The following LRRIQ1 variants were observed in gnomAD, a reference collection of about 807,000 sequenced individuals.
LRRIQ1 encodes the protein leucine-rich repeat- and IQ domain-containing protein 1.
In LRRIQ1, 210 loss-of-function variants were observed where a neutral mutation model predicts 211.9. The ratio of observed to expected loss-of-function variants is 0.99; its 90% CI spans 0.89 to 1.11. LRRIQ1 has a LOEUF of 1.11. LRRIQ1 is among the 50% of genes most tolerant of loss of function. LRRIQ1 has a pLI of 0.00. For synonymous variants in LRRIQ1, 699 were observed against 650.1 expected, an observed-to-expected ratio of 1.08 and a Z score of -1.14; for missense variants, 2,136 against 1,939.5, an observed-to-expected ratio of 1.10 and a Z score of -1.90.
intron 11 of LRRIQ1, among the ~76,000 whole-genome samples, chr12:85,085,280 A>G (rs970383172): frequency 1.3e-5 from 2 of 152,206 alleles, no homozygotes; most frequent in Non-Finnish European, 2.9e-5. Context: ...ACTTACAATC[A>G]TGGTTAAAGT....
At chr12:85,069,612 G>T (rs1200051542) in intron 10 of LRRIQ1, among the ~76,000 whole-genome samples, 3 of 151,620 alleles carry the variant, frequency 2.0e-5, no homozygotes, top group Non-Finnish European at 4.4e-5. Context: ...GTTGTTTCCT[G>T]ACTTTTTAAT....
At position 85,038,165 on chromosome 12, in the gene LRRIQ1, T is replaced by C. The variant is rs778240540; in HGVS notation, c.-12T>C. ...TTTTTTAAAGCAGTTCTGTGCTTTA[T>C]TATGAAGAATAATGGACGATGATGA... is the stretch of plus-strand genomic sequence containing the variant. On this transcript the variant is annotated 5_prime_UTR_variant, in exon 2 of 27. Coordinates refer to ENST00000393217, the MANE Select transcript of LRRIQ1 (RefSeq NM_001079910.2). The C allele has an allele frequency of 1.3e-5, 19 of 1,516,856 alleles. 1 individual carries two copies. In the South Asian group the frequency reaches 2.5e-4, roughly 20 times the overall value. 94.0% of individuals were successfully genotyped at this position (1,516,856 alleles called of 1,614,324 possible). A position where few individuals can be genotyped will look rare whatever the true frequency, so the allele number is the denominator to read the frequency against.
intron 11 of LRRIQ1, among the ~76,000 whole-genome samples, chr12:85,078,544 C>T (rs1883923599): frequency 6.6e-6 from 1 of 152,146 alleles, no homozygotes; most frequent in East Asian, 1.9e-4. Flanking sequence ...GTAGTTCAAT[C>T]TTTTTATTCT....
intron 11 of LRRIQ1, among the ~76,000 whole-genome samples, chr12:85,081,516 T>A (rs1403276787): frequency 6.6e-6 from 1 of 151,802 alleles, no homozygotes; most frequent in Non-Finnish European, 1.5e-5. Context: ...ATTAATTTAA[T>A]GGTTACTGCA....
At chr12:85,094,188 G>T in intron 11 of LRRIQ1, among the ~76,000 whole-genome samples, 1 of 152,282 alleles carries the variant, frequency 6.6e-6, no homozygotes, top group East Asian at 1.9e-4. Context: ...ACCAAAATGA[G>T]ATTACTTTGT....
chr12:85,108,890 A>G (rs1886969688), intron 15 of LRRIQ1, among the ~76,000 whole-genome samples: 1 of 152,146 alleles, frequency 6.6e-6, no homozygotes, highest in African/African-American at 2.4e-5. Flanking sequence ...CAAAATATGT[A>G]TTAGGACCAT....
At chr12:85,204,960 G>T (rs773891097) in intron 24 of LRRIQ1, among the ~76,000 whole-genome samples, 1 of 152,074 alleles carries the variant, frequency 6.6e-6, no homozygotes, top group African/African-American at 2.4e-5. Flanking sequence ...CTGTGTCCCC[G>T]CCCAAATCTC....
At chr12:85,150,622 T>A (rs563190022) in intron 19 of LRRIQ1, among the ~76,000 whole-genome samples, 1 of 151,728 alleles carries the variant, frequency 6.6e-6, no homozygotes, top group African/African-American at 2.4e-5. Context: ...TACCAAAGCA[T>A]ATGTGTTTCC....
In LRRIQ1 at chr12:85,044,788, A is replaced by C. The variant is rs1470555276; in HGVS notation, c.315A>C (p.Glu105Asp). The C allele has an allele frequency of 2.0e-6, 3 of 1,516,724 alleles. No individual in the cohort carries two copies. Among genetic ancestry groups the C allele is most frequent in the Non-Finnish European group, 2.7e-6 (3 of 1,096,862 alleles). 94.0% of individuals were successfully genotyped at this position (1,516,724 alleles called of 1,614,324 possible). ...LRTGLSTEYE[E>D]SSEQLIKILS... ...CAGGACTATCAACTGAATATGAAGA[A>C]AGTTCAGAGCAATTAATTAAGGTAT... The change falls in exon 4 of 27, where the codon GAA becomes GAC. Residue 105 changes from glutamate (E) to aspartate (D), a missense_variant. Physicochemically the swap from Glu to Asp is conservative, Grantham distance 45 (BLOSUM62 2). Coordinates refer to ENST00000393217, the MANE Select transcript of LRRIQ1 (RefSeq NM_001079910.2).
chr12:85,272,617 T>A, the LRRIQ1 span, among the ~76,000 whole-genome samples: 1 of 152,164 alleles, frequency 6.6e-6, no homozygotes, highest in Non-Finnish European at 1.5e-5. Context: ...TAAAAATACT[T>A]GTTTAGTGGA....
In LRRIQ1 at chr12:85,226,531, C is replaced by CT. The variant is rs540579707; in HGVS notation, c.4823-2969dup. On this transcript the variant is annotated intron_variant, in intron 24 of 26. Transcript: ENST00000393217. ...TGTATAATTATTTTTTTTCTACTTCCTTTTTTTTTTTTTTTTTACTTTAAG... is the reference window on the plus strand; with the variant it reads ...TGTATAATTATTTTTTTTCTACTTCCTTTTTTTTTTTTTTTTTTACTTTAAG... Among the ~76,000 whole-genome samples, 2,122 of 136,574 alleles carry CT rather than the reference C, an allele frequency of 0.016. 96 individuals are homozygous for CT. In the East Asian group the frequency reaches 0.19, roughly 12 times the overall value. The allele number at this position is 136,574 out of a possible 152,430, so 89.6% of individuals were successfully genotyped here. A position where few individuals can be genotyped will look rare whatever the true frequency, so the allele number is the denominator to read the frequency against.
chr12:85,075,198 G>C (rs1883506070), intron 11 of LRRIQ1, among the ~76,000 whole-genome samples: 1 of 152,008 alleles, frequency 6.6e-6, no homozygotes, highest in African/African-American at 2.4e-5. Flanking sequence ...TATAATCCTA[G>C]CACTTTGGGA....
At chr12:85,133,623 G>A (rs1888924404) in intron 18 of LRRIQ1, among the ~76,000 whole-genome samples, 1 of 152,044 alleles carries the variant, frequency 6.6e-6, no homozygotes, top group South Asian at 2.1e-4. Flanking sequence ...TAGACGGAGT[G>A]GATATGTTTC....
At chr12:85,073,268 T>G (rs1358999861) in intron 11 of LRRIQ1, among the ~76,000 whole-genome samples, 170 bp downstream of exon 11, 1 of 152,028 alleles carries the variant, frequency 6.6e-6, no homozygotes. Context: ...CAAGGCATAC[T>G]TTTGAAAATA....
chr12:85,262,927 A>G, exon 2 of LRRIQ1: 1 of 984,822 alleles, frequency 1.0e-6, no homozygotes, highest in Non-Finnish European at 1.2e-6. Context: ...TGTTCAGTTA[A>G]GGGAATACCA....
intron 26 of LRRIQ1, among the ~76,000 whole-genome samples, chr12:85,242,101 G>T (rs1209376770): frequency 6.6e-6 from 1 of 151,982 alleles, no homozygotes; most frequent in African/African-American, 2.4e-5. Flanking sequence ...CAAAATTACA[G>T]TCTAATAAGT....
intron 24 of LRRIQ1, among the ~76,000 whole-genome samples, chr12:85,173,169 T>C (rs1283506072): frequency 6.6e-6 from 1 of 152,144 alleles, no homozygotes; most frequent in Non-Finnish European, 1.5e-5. Flanking sequence ...ATTTTTAACA[T>C]TAATTCTGTA....
intron 24 of LRRIQ1, among the ~76,000 whole-genome samples, chr12:85,192,899 C>T (rs1449493811): frequency 7.4e-5 from 5 of 67,906 alleles, no homozygotes; most frequent in Admixed American, 2.5e-4. Flanking sequence ...TAGTTATATA[C>T]TATAATTATA....
At chr12:85,162,868 C>A in intron 24 of LRRIQ1, 1 of 435,480 alleles carries the variant, frequency 2.3e-6, no homozygotes, top group Non-Finnish European at 4.5e-6. Flanking sequence ...TTCTAATGTG[C>A]TATAGGTTTT....
Sources: gnomAD v4.1 joint callset for allele counts (sites outside exome capture counted in the v4.1 genomes callset) on GRCh38, gnomAD v4.1.1 for gene constraint, MANE v1.5 for transcripts, NCBI Gene and HGNC (gene_info 2026-07-23, HGNC 2026-07-21) for gene names.